The following TNXB variants were observed in gnomAD, a reference collection of about 807,000 sequenced individuals.
TNXB encodes tenascin XB, also known as tenascin-X.
Under a neutral mutation model 340.5 loss-of-function variants are expected in TNXB, and 183 were observed. The ratio of observed to expected loss-of-function variants is 0.54; its 90% CI spans 0.48 to 0.61. The LOEUF (loss-of-function observed/expected upper bound fraction) is 0.61. TNXB is among the 20% of genes least tolerant of loss of function. TNXB has a pLI of 0.00. For missense variants in TNXB, 4,613 were observed against 5,446.4 expected (o/e 0.85, Z 4.82); for synonymous variants, 2,121 against 2,314.5 (o/e 0.92, Z 2.40).
At position 32,043,893 on chromosome 6, in the gene TNXB, C is replaced by T; in HGVS notation, c.11387-1G>A. ...TCCACCTGCACACTCTGAGGCTCCCCTGAAAACATTGGGGATCGAGGGTTA... is the reference window on the plus strand; with the variant it reads ...TCCACCTGCACACTCTGAGGCTCCCTTGAAAACATTGGGGATCGAGGGTTA... On this transcript the variant is annotated splice_acceptor_variant, in intron 34 of 43. Coordinates refer to ENST00000644971, the MANE Select transcript of TNXB (RefSeq NM_001365276.2). LOFTEE classifies it high-confidence loss of function. The T allele has an allele frequency of 6.2e-7, 1 of 1,613,654 alleles. No homozygotes were observed. The highest frequency in any genetic ancestry group is 8.5e-7 in the Non-Finnish European group (1 of 1,179,986).
At chr6:32,095,260 T>C (rs2127285207) in intron 3 of TNXB, 69 bp from the exon 4 acceptor site, 1 of 1,227,040 alleles carries the variant, frequency 8.1e-7, no homozygotes, top group African/African-American at 1.5e-5. Context: ...CAGCCCCTTT[T>C]ACTCAGGGAC....
rs749332638 is a variant in TNXB at position 32,082,117 on chromosome 6, G to T, written c.3655C>A (p.Pro1219Thr). ...AGAGTGAATCTGTACTTGTGGTCAG[G>T]GTCCAGTGAGGAGACAACAAATGAA... ...ERSFVVSSLD[P>T]DHKYRFTLFG... is the part of the protein sequence containing the mutation. The change falls in exon 9 of 44, where the codon CCT becomes ACT. Residue 1219 changes from proline to threonine, a missense_variant. By Grantham distance (38) the Pro-to-Thr change is conservative. This residue lies in a region of TNXB where 4,327 missense variants were observed against 4,859.4 expected (regional missense o/e 0.89). Coordinates refer to ENST00000644971, the MANE Select transcript of TNXB (RefSeq NM_001365276.2). This position sits in a 1 kb window ranked among gnomAD's most constrained non-coding sequence, Gnocchi z 5.0. The T allele has an allele frequency of 6.2e-7, 1 of 1,611,292 alleles. No homozygotes were observed. The highest frequency in any genetic ancestry group is 1.7e-5 in the Admixed American group (1 of 59,582).
chr6:32,073,594 G>C lies in TNXB; in HGVS notation c.4681+53C>G. The stretch of plus-strand genomic sequence containing the variant: ...GCAGGGCTGGAAGAAGGGCCATGGG[G>C]TGGGGGAGCTCTGGGTAACCAGAGA... On this transcript the variant is annotated intron_variant, in intron 12 of 43. Transcript: ENST00000644971. The surrounding 1 kb of genome is among the most constrained non-coding windows in gnomAD (Gnocchi z 4.6). 2 of 1,521,850 alleles carry C rather than the reference G, an allele frequency of 1.3e-6. No individual in the cohort carries two copies. The highest frequency in any genetic ancestry group is 1.8e-6 in the Non-Finnish European group (2 of 1,117,410). 94.3% of individuals were successfully genotyped at this position (1,521,850 alleles called of 1,614,324 possible).
Position 32,048,545 on chromosome 6 carries a change from G to T in TNXB, c.9863C>A (p.Pro3288His). The part of the protein sequence containing the change: ...VGLSWTVAQG[P>H]FDSFLVQYRD... ...GTACTGTACCAGGAAGGAGTCAAAG[G>T]GGCCCTGGGCCACCGTCCATGAGAG... Residue 3288 changes from proline to histidine, a missense_variant, in exon 29 of 44, where the codon CCC becomes CAC. This residue lies in a region of TNXB where 4,327 missense variants were observed against 4,859.4 expected (regional missense o/e 0.89). Coordinates refer to ENST00000644971, the MANE Select transcript of TNXB (RefSeq NM_001365276.2). 1.9e-6 allele frequency: 3 copies of T among 1,570,610 alleles called. No homozygotes were observed. In the Admixed American group the frequency reaches 5.2e-5, roughly 27 times the overall value.
At position 32,048,559 on chromosome 6, in the gene TNXB, C is replaced by T. The variant is rs147118175; in HGVS notation, c.9849G>A (p.Thr3283=). The change falls in exon 29 of 44, where the codon ACG becomes ACA. Residue 3283 remains threonine, a synonymous_variant. Coordinates refer to ENST00000644971, the MANE Select transcript of TNXB (RefSeq NM_001365276.2). ...VTSDSVGLSW[T]VAQGPFDSFL... is the part of the protein sequence containing the mutation. ...AGGAGTCAAAGGGGCCCTGGGCCACCGTCCATGAGAGGCCCACTGAGTCCG... is the reference window on the plus strand; with the variant it reads ...AGGAGTCAAAGGGGCCCTGGGCCACTGTCCATGAGAGGCCCACTGAGTCCG... 2,181 of 1,564,170 alleles carry T rather than the reference C, an allele frequency of 1.4e-3. 28 individuals carry two copies. In the African/African-American group the frequency reaches 0.025, roughly 18 times the overall value.
intron 24 of TNXB, among the ~76,000 whole-genome samples, chr6:32,054,687 A>C (rs574241153): frequency 1.3e-5 from 2 of 152,244 alleles, no homozygotes; most frequent in African/African-American, 4.8e-5. Context: ...TTCTTTGCTT[A>C]CTTTCCGGTT....
intron 4 of TNXB, among the ~76,000 whole-genome samples, chr6:32,091,500 G>A (rs910911790): frequency 4.1e-5 from 6 of 148,046 alleles, no homozygotes; most frequent in African/African-American, 1.0e-4. Flanking sequence ...TTTTTGAGAC[G>A]GAATTTCGCT....
rs575684836 is a variant in TNXB at position 32,108,367 on chromosome 6, C to T, written c.-9+814G>A. Among the ~76,000 whole-genome samples, 7 of 152,032 alleles carry T rather than the reference C, an allele frequency of 4.6e-5. No individual in the cohort carries two copies. Among genetic ancestry groups the T allele is most frequent in the South Asian group, 2.1e-4 (1 of 4,810 alleles). Reference sequence around the variant, plus strand: ...GTGTACTGGTGGTGGGGGGCGGGGGCGGCGAGGTGAGGGAGAGTGCGGGTT... The same window carrying T: ...GTGTACTGGTGGTGGGGGGCGGGGGTGGCGAGGTGAGGGAGAGTGCGGGTT... On this transcript the variant is annotated intron_variant, in intron 1 of 43. Coordinates refer to ENST00000644971, the MANE Select transcript of TNXB (RefSeq NM_001365276.2). The surrounding 1 kb of genome is among the most constrained non-coding windows in gnomAD (Gnocchi z 4.8).
intron 1 of TNXB, among the ~76,000 whole-genome samples, chr6:32,098,481 GTTTT>G (rs1427088974): frequency 6.8e-6 from 1 of 146,368 alleles, no homozygotes; most frequent in African/African-American, 2.5e-5. Flanking sequence ...GTTTTGTTTT[GTTTT>G]GTTTGTTTGT....
Position 32,081,262 on chromosome 6 carries a change from A to G in TNXB, c.4042+106T>C. The G allele has an allele frequency of 8.4e-7, 1 of 1,195,978 alleles. No individual in the cohort carries two copies. The highest frequency in any genetic ancestry group is 1.2e-6 in the Non-Finnish European group (1 of 863,790). The allele number at this position is 1,195,978 out of a possible 1,614,324, so 74.1% of individuals were successfully genotyped here. A position where few individuals can be genotyped will look rare whatever the true frequency, so the allele number is the denominator to read the frequency against. ...GGAAGTGGGTGGAGGCTTTGGCAAAATGAGCTGAGAAGGCGAAGATGGAGG... is the reference window on the plus strand; with the variant it reads ...GGAAGTGGGTGGAGGCTTTGGCAAAGTGAGCTGAGAAGGCGAAGATGGAGG... On this transcript the variant is annotated intron_variant, in intron 10 of 43. Transcript: ENST00000644971. The surrounding 1 kb of genome is among the most constrained non-coding windows in gnomAD (Gnocchi z 5.1).
Position 32,096,042 on chromosome 6 carries a change from A to G in TNXB, c.1811T>C (p.Val604Ala). ...CSQHGVCQDG[V>A]CICWEGYVSE... Reference sequence around the variant, plus strand: ...CACGTAGCCTTCCCAACAGATGCACACACCGTCCTGGCACACGCCGTGCTG... The same window carrying G: ...CACGTAGCCTTCCCAACAGATGCACGCACCGTCCTGGCACACGCCGTGCTG... The change falls in exon 3 of 44, where the codon GTG (valine) becomes GCG (alanine). Residue 604 changes from valine to alanine, a missense_variant. Val to Ala is a moderately conservative substitution (Grantham distance 64). This residue lies in a region of TNXB where 4,327 missense variants were observed against 4,859.4 expected (regional missense o/e 0.89). Coordinates refer to ENST00000644971, the MANE Select transcript of TNXB (RefSeq NM_001365276.2). 1 of 1,613,132 alleles carries G rather than the reference A, an allele frequency of 6.2e-7. No homozygotes were observed. Among genetic ancestry groups the G allele is most frequent in the South Asian group, 1.1e-5 (1 of 91,080 alleles).
rs950706790 is a variant in TNXB at position 32,047,656 on chromosome 6, G to A, written c.10324+78C>T. ...TCAGGGCTGATAGAGGGAATCTCACGGGAAGGCTGCAGGGCCAGCTCTGAG... is the reference window on the plus strand; with the variant it reads ...TCAGGGCTGATAGAGGGAATCTCACAGGAAGGCTGCAGGGCCAGCTCTGAG... On this transcript the variant is annotated intron_variant, in intron 30 of 43. Coordinates refer to ENST00000644971, the MANE Select transcript of TNXB (RefSeq NM_001365276.2). This position sits in a 1 kb window ranked among gnomAD's most constrained non-coding sequence, Gnocchi z 6.2. 7 of 1,474,714 alleles carry A rather than the reference G, an allele frequency of 4.7e-6. No individual in the cohort carries two copies. The highest frequency in any genetic ancestry group is 4.2e-5 in the African/African-American group (3 of 71,436). The allele number at this position is 1,474,714 out of a possible 1,614,324, so 91.4% of individuals were successfully genotyped here.
chr6:32,052,557 T>C lies in TNXB; in HGVS notation c.9115+113A>G, dbSNP rs560484979. 249 of 1,416,008 alleles carry C rather than the reference T, an allele frequency of 1.8e-4. 2 individuals are homozygous for C. In the East Asian group the frequency reaches 2.8e-3, roughly 16 times the overall value. The allele number at this position is 1,416,008 out of a possible 1,614,324, so 87.7% of individuals were successfully genotyped here. A position where few individuals can be genotyped will look rare whatever the true frequency, so the allele number is the denominator to read the frequency against. On this transcript the variant is annotated intron_variant, in intron 26 of 43. Coordinates refer to ENST00000644971, the MANE Select transcript of TNXB (RefSeq NM_001365276.2). The surrounding 1 kb of genome is among the most constrained non-coding windows in gnomAD (Gnocchi z 4.7). Reference sequence around the variant, plus strand: ...CTTTTTAACAAAAATCTCCAGGCATTTGGATACACAAAGGAAGGAATACTC... The same window carrying C: ...CTTTTTAACAAAAATCTCCAGGCATCTGGATACACAAAGGAAGGAATACTC...
At chr6:32,078,085 AAGAAAGAAAGAAAG>A (rs1779188872) in intron 11 of TNXB, among the ~76,000 whole-genome samples, 1 of 87,432 alleles carries the variant, frequency 1.1e-5, no homozygotes, top group African/African-American at 3.9e-5. Flanking sequence ...GAAAGAAAGA[AAGAAAGAAAGAAAG>A]AAAGAAAGAA....
chr6:32,092,995 T>C (rs941611188), intron 4 of TNXB, among the ~76,000 whole-genome samples: 4 of 152,248 alleles, frequency 2.6e-5, no homozygotes, highest in Non-Finnish European at 5.9e-5. Context: ...GGAGAAAGTC[T>C]AGGGCTTCAA....
Position 32,041,437 on chromosome 6 carries a change from T to C in TNXB, c.12647A>G (p.Tyr4216Cys). ...CGAGAACTCGAAGCCCTTCCAGTGG[T>C]ACCAGCTCACTCCCTGGGAAAGGGG... ...STVDHQGVSW[Y>C]HWKGFEFSVP... The change falls in exon 44 of 44, where the codon TAC (tyrosine) becomes TGC (cysteine). Residue 4216 changes from tyrosine to cysteine, a missense_variant. Tyr to Cys is a radical substitution (Grantham distance 194). Coordinates refer to ENST00000644971, the MANE Select transcript of TNXB (RefSeq NM_001365276.2). 3.3e-6 allele frequency: 3 copies of C among 919,966 alleles called. No homozygotes were observed. Among genetic ancestry groups the C allele is most frequent in the Non-Finnish European group, 5.2e-6 (3 of 574,350 alleles). The allele number at this position is 919,966 out of a possible 1,614,324, so 57.0% of individuals were successfully genotyped here.
At position 32,052,700 on chromosome 6, in the gene TNXB, C is replaced by G; in HGVS notation, c.9085G>C (p.Val3029Leu). The G allele has an allele frequency of 6.2e-7, 1 of 1,613,632 alleles. No homozygotes were observed. The highest frequency in any genetic ancestry group is 8.5e-7 in the Non-Finnish European group (1 of 1,179,782). The change falls in exon 26 of 44, where the codon GTG (valine) becomes CTG (leucine). Residue 3029 changes from valine to leucine, a missense_variant. Physicochemically the swap from Val to Leu is conservative, Grantham distance 32. This residue lies in a region of TNXB where 4,327 missense variants were observed against 4,859.4 expected (regional missense o/e 0.89). Coordinates refer to ENST00000644971, the MANE Select transcript of TNXB (RefSeq NM_001365276.2). This position sits in a 1 kb window ranked among gnomAD's most constrained non-coding sequence, Gnocchi z 4.7. ...ACACCCACAGCGGACACTGGGCCCA[C>G]GCGCTGCCCCTCGTGGAGGCCGTAC... ...HLYGLHEGQR[V>L]GPVSAVGVTA...
chr6:32,049,377 C>G lies in TNXB; in HGVS notation c.9650G>C (p.Ser3217Thr), dbSNP rs1408994932. 2 of 1,612,432 alleles carry G rather than the reference C, an allele frequency of 1.2e-6. No homozygotes were observed. Among genetic ancestry groups the G allele is most frequent in the Non-Finnish European group, 1.7e-6 (2 of 1,179,878 alleles). Residue 3217 changes from serine (S) to threonine (T), a missense_variant, in exon 28 of 44, where the codon AGC becomes ACC. Physicochemically the swap from Ser to Thr is moderately conservative, Grantham distance 58 (BLOSUM62 1). Around this residue, in one of 7 missense-constraint regions of TNXB, gnomAD observed 4,327 missense variants for 4,859.4 expected, o/e 0.89. Coordinates refer to ENST00000644971, the MANE Select transcript of TNXB (RefSeq NM_001365276.2). The surrounding 1 kb of genome is among the most constrained non-coding windows in gnomAD (Gnocchi z 4.5). ...CTCCAGGCCCCCCACGGTGACCTCG[C>G]TCTCCTCGCCCCTGACACGCACCAC... ...PQVVRVRGEE[S>T]EVTVGGLEPG...
rs746237539 is a variant in TNXB, at chr6:32,058,070, C to T, written c.7813G>A (p.Val2605Met). The T allele has an allele frequency of 3.5e-5, 57 of 1,609,510 alleles. No individual in the cohort carries two copies. The highest frequency in any genetic ancestry group is 4.2e-5 in the Non-Finnish European group (50 of 1,177,970). Residue 2605 changes from valine to methionine, a missense_variant, in exon 22 of 44, where the codon GTG becomes ATG. Val to Met is a conservative substitution (Grantham distance 21). Around this residue, in one of 7 missense-constraint regions of TNXB, gnomAD observed 4,327 missense variants for 4,859.4 expected, o/e 0.89. Transcript: ENST00000644971. This position sits in a 1 kb window ranked among gnomAD's most constrained non-coding sequence, Gnocchi z 5.1. ...CACACTCACTCACCTGTGACGCCCACGGCAGACACCGGGCCCAGGCGCCGC... is the reference window on the plus strand; with the variant it reads ...CACACTCACTCACCTGTGACGCCCATGGCAGACACCGGGCCCAGGCGCCGC... ...EGRRLGPVSA[V>M]GVTEDEAETT... is the part of the protein sequence containing the mutation.
Sources: allele counts gnomAD v4.1 joint callset (sites outside exome capture counted in the v4.1 genomes callset), GRCh38; gene constraint gnomAD v4.1.1; regional missense constraint gnomAD v4.1.1; non-coding constraint Gnocchi (gnomAD v3.1); transcripts MANE v1.5; gene names NCBI Gene and HGNC (gene_info 2026-07-23, HGNC 2026-07-21).